PECAM1: variants seen among roughly 807,000 people sequenced by gnomAD.
PECAM1 encodes the protein platelet and endothelial cell adhesion molecule 1.
In PECAM1, 8 loss-of-function variants were observed where a neutral mutation model predicts 13.8. The ratio of observed to expected loss-of-function variants is 0.58; its 90% CI spans 0.34 to 1.05. The LOEUF (loss-of-function observed/expected upper bound fraction) is 1.05. Ranked by LOEUF, PECAM1 falls within the 50% of genes least tolerant of loss-of-function variation. PECAM1 has a pLI of 0.03. For synonymous variants in PECAM1, 136 were observed against 52.6 expected (o/e 2.58, Z -6.86); for missense variants, 304 against 141.2 (o/e 2.15, Z -5.84).
At chr17:64,381,252 A>G (rs2036475614) in intron 2 of PECAM1, among the ~76,000 whole-genome samples, 1 of 152,176 alleles carries the variant, frequency 6.6e-6, no homozygotes, top group Non-Finnish European at 1.5e-5. Context: ...GAATGTTCTA[A>G]TGGACCTTGT....
intron 13 of PECAM1, among the ~76,000 whole-genome samples, chr17:64,343,328 G>A (rs1451222066): frequency 1.3e-5 from 2 of 151,734 alleles, no homozygotes; most frequent in African/African-American, 2.4e-5. Context: ...ATTTCCCCAC[G>A]ACCCTGGTGG....
chr17:64,345,267 C>A (rs1454686175), intron 13 of PECAM1, among the ~76,000 whole-genome samples: 5 of 152,076 alleles, frequency 3.3e-5, no homozygotes, highest in Non-Finnish European at 7.4e-5. Context: ...GTTAGGTGAT[C>A]CCTGAAGGTT....
intron 7 of PECAM1, among the ~76,000 whole-genome samples, chr17:64,356,932 C>A (rs1482372656): frequency 1.3e-5 from 2 of 152,166 alleles, no homozygotes; most frequent in Admixed American, 1.3e-4. Flanking sequence ...AATCTTGTGA[C>A]ACTGCACTCT....
At chr17:64,334,549 C>A (rs2035217554) in intron 14 of PECAM1, among the ~76,000 whole-genome samples, 3 of 152,008 alleles carry the variant, frequency 2.0e-5, no homozygotes. Context: ...CACTCTGTCG[C>A]CCAGGCTGGA....
At chr17:64,373,430 T>C (rs1345864599) in intron 4 of PECAM1, among the ~76,000 whole-genome samples, 2 of 152,122 alleles carry the variant, frequency 1.3e-5, no homozygotes, top group East Asian at 1.9e-4. Flanking sequence ...TATTTCTTCA[T>C]ATGGACAAAA....
chr17:64,354,537 C>T (rs896421276), intron 9 of PECAM1, among the ~76,000 whole-genome samples: 3 of 152,180 alleles, frequency 2.0e-5, no homozygotes, highest in African/African-American at 7.2e-5. Flanking sequence ...TCCTGGTTAT[C>T]AGCAGGTGGT....
rs980458266 is a variant in PECAM1, at chr17:64,360,219, G to A, written c.1413C>T (p.Asp471=). 18 of 475,384 alleles carry A rather than the reference G, an allele frequency of 3.8e-5. No homozygotes were observed. The highest frequency in any genetic ancestry group is 6.0e-4 in the Middle Eastern group (1 of 1,660). The allele number at this position is 475,384 out of a possible 1,614,324, so 29.4% of individuals were successfully genotyped here. The change falls in exon 7 of 16, where the codon GAC becomes GAT. Residue 471 remains aspartate (D), a synonymous_variant. Coordinates refer to ENST00000563924, the MANE Select transcript of PECAM1 (RefSeq NM_000442.5). ...PAVFKDNPTE[D]VEYQCVADNC... ...TATCTGCAACACACTGGTATTCGAC[G>A]TCTTCAGTGGGGTTGTCTTTGAATA...
chr17:64,334,699 G>A (rs1264102839), intron 14 of PECAM1, among the ~76,000 whole-genome samples: 1 of 152,078 alleles, frequency 6.6e-6, no homozygotes, highest in African/African-American at 2.4e-5. Context: ...AGTAGAGATG[G>A]GGTTTCACCG....
intron 7 of PECAM1, among the ~76,000 whole-genome samples, chr17:64,359,316 C>T (rs1192311125): frequency 6.6e-6 from 1 of 152,112 alleles, no homozygotes; most frequent in Non-Finnish European, 1.5e-5. Context: ...TTCTGAGAGG[C>T]ATGAGATAGA....
At chr17:64,362,981 T>C (rs1288606939) in intron 6 of PECAM1, among the ~76,000 whole-genome samples, 168 bp downstream of exon 6, 7 of 152,370 alleles carry the variant, frequency 4.6e-5, no homozygotes, top group African/African-American at 1.4e-4. Flanking sequence ...ATCAGTGTTC[T>C]GAGCAGGAAT....
intron 7 of PECAM1, among the ~76,000 whole-genome samples, chr17:64,357,177 T>C (rs2035865468): frequency 6.6e-6 from 1 of 152,138 alleles, no homozygotes; most frequent in African/African-American, 2.4e-5. Context: ...TCTTATTCAC[T>C]GGTTATTCTT....
At chr17:64,338,047 T>C (rs2035328585) in intron 14 of PECAM1, among the ~76,000 whole-genome samples, 2 of 151,488 alleles carry the variant, frequency 1.3e-5, no homozygotes, top group South Asian at 4.2e-4. Context: ...AAAATTAAGT[T>C]TTTTGGAACC....
rs2034818699 is a variant in PECAM1, at chr17:64,321,952, G to A, written c.*1864C>T. ...AGAGACATGAAGGTCGTTAGAGGTCGTCTGATCCTTTGACCTCAATCTGAG... is the reference window on the plus strand; with the variant it reads ...AGAGACATGAAGGTCGTTAGAGGTCATCTGATCCTTTGACCTCAATCTGAG... On this transcript the variant is annotated 3_prime_UTR_variant, in exon 16 of 16. Transcript: ENST00000563924. The A allele has an allele frequency of 3.0e-6, 4 of 1,313,002 alleles. No individual in the cohort carries two copies. Among genetic ancestry groups the A allele is most frequent in the Non-Finnish European group, 4.0e-6 (4 of 993,204 alleles). 81.3% of individuals were successfully genotyped at this position (1,313,002 alleles called of 1,614,324 possible). A position where few individuals can be genotyped will look rare whatever the true frequency, so the allele number is the denominator to read the frequency against.
chr17:64,378,693 C>A (rs2036417347), intron 2 of PECAM1: 1 of 151,914 alleles, frequency 6.6e-6, no homozygotes, highest in African/African-American at 2.4e-5. Flanking sequence ...CACATCTTGG[C>A]CCCTGGAGGG....
At chr17:64,381,227 T>A (rs2036475253) in intron 2 of PECAM1, among the ~76,000 whole-genome samples, 1 of 152,210 alleles carries the variant, frequency 6.6e-6, no homozygotes, top group Non-Finnish European at 1.5e-5. Context: ...TTCATTTCTA[T>A]CTTGTGGATT....
At chr17:64,372,638 G>A (rs1394692122) in intron 4 of PECAM1, among the ~76,000 whole-genome samples, 1 of 151,982 alleles carries the variant, frequency 6.6e-6, no homozygotes, top group Admixed American at 6.6e-5. Flanking sequence ...GAGTAGCTGG[G>A]ACTACAGGTG....
At chr17:64,334,700 G>A (rs2035223460) in intron 14 of PECAM1, among the ~76,000 whole-genome samples, 1 of 152,042 alleles carries the variant, frequency 6.6e-6, no homozygotes, top group Admixed American at 6.6e-5. Context: ...GTAGAGATGG[G>A]GTTTCACCGT....
intron 2 of PECAM1, among the ~76,000 whole-genome samples, chr17:64,383,036 T>C (rs1159347345): frequency 6.6e-6 from 1 of 151,986 alleles, no homozygotes; most frequent in Non-Finnish European, 1.5e-5. Flanking sequence ...ATAGACTCCA[T>C]CTCAAAAAAA....
rs887377481 is a variant in PECAM1, at chr17:64,356,735, G to A, written c.1493-337C>T. 3.9e-5 allele frequency among the ~76,000 whole-genome samples: 6 copies of A among 152,110 alleles called. No individual in the cohort carries two copies. In the East Asian group the frequency reaches 9.7e-4, roughly 24 times the overall value. On this transcript the variant is annotated intron_variant, in intron 7 of 15. Coordinates refer to ENST00000563924, the MANE Select transcript of PECAM1 (RefSeq NM_000442.5). ...TTGAATTCCTGACCTCAGGTGATTT[G>A]CCCACCTCGGCCTTCCAAAATGCTG...
Sources: gnomAD v4.1 joint callset for allele counts (sites outside exome capture counted in the v4.1 genomes callset) on GRCh38, gnomAD v4.1.1 for gene constraint, MANE v1.5 for transcripts, NCBI Gene and HGNC (gene_info 2026-07-23, HGNC 2026-07-21) for gene names.